The following TMPRSS11F variants were observed in gnomAD, a reference collection of about 807,000 sequenced individuals.
The protein encoded by TMPRSS11F is transmembrane serine protease 11F.
A neutral mutation model predicts 60.2 loss-of-function variants in TMPRSS11F; 47 were observed. The ratio of observed to expected loss-of-function variants is 0.78; its 90% CI spans 0.62 to 1.00. The LOEUF is 1.00. TMPRSS11F is among the 50% of genes least tolerant of loss of function. The pLI, the probability that TMPRSS11F is intolerant of heterozygous loss-of-function variation, is 0.00. For missense variants in TMPRSS11F, 519 were observed against 522.9 expected (o/e 0.99, Z 0.07); for synonymous variants, 166 against 167.3 (o/e 0.99, Z 0.06).
intron 3 of TMPRSS11F, among the ~76,000 whole-genome samples, chr4:68,079,543 C>T (rs1314248856): frequency 6.6e-6 from 1 of 152,178 alleles, no homozygotes; most frequent in East Asian, 1.9e-4. Context: ...TATTCCTCCT[C>T]AGATACCTAA....
Position 68,072,425 on chromosome 4 carries a change from T to G in TMPRSS11F, c.412A>C (p.Ser138Arg). 6.3e-7 allele frequency: 1 copy of G among 1,592,068 alleles called. No homozygotes were observed. The highest frequency in any genetic ancestry group is 8.6e-7 in the Non-Finnish European group (1 of 1,166,774). Residue 138 changes from serine (S) to arginine (R), a missense_variant, in exon 5 of 10, where the codon AGT becomes CGT. By Grantham distance (110) the Ser-to-Arg change is moderately radical (BLOSUM62 -1). Coordinates refer to ENST00000356291, the MANE Select transcript of TMPRSS11F (RefSeq NM_207407.2). ...ATTTTTTTCTTGATTTGTTCAGCAC[T>G]ATCAGTAGATGGGTATCGAAATATG... ...VLIFRYPSTD[S>R]AEQIKKKIEK...
At chr4:68,082,953 A>T (rs1723736529) in intron 3 of TMPRSS11F, among the ~76,000 whole-genome samples, 2 of 152,172 alleles carry the variant, frequency 1.3e-5, no homozygotes, top group African/African-American at 4.8e-5. Flanking sequence ...CTTGGGACAA[A>T]ACCAGCTGGT....
intron 4 of TMPRSS11F, 108 bp from the exon 5 acceptor site, chr4:68,072,594 A>G (rs1368966849): frequency 1.4e-6 from 1 of 736,250 alleles, no homozygotes; most frequent in East Asian, 3.2e-5. Context: ...ATACATGTGC[A>G]TACCAGATTT....
intron 1 of TMPRSS11F, among the ~76,000 whole-genome samples, chr4:68,114,266 T>C (rs1449212296): frequency 6.6e-6 from 1 of 151,592 alleles, no homozygotes; most frequent in Non-Finnish European, 1.5e-5. Context: ...AAGAAACTGA[T>C]GAAATTGAAA....
chr4:68,108,284 A>G (rs1358087639), intron 1 of TMPRSS11F, among the ~76,000 whole-genome samples: 1 of 152,184 alleles, frequency 6.6e-6, no homozygotes, highest in Non-Finnish European at 1.5e-5. Context: ...AAAAATGATA[A>G]TCCAGTGGAT....
chr4:68,058,330 C>T (rs1310419914), intron 9 of TMPRSS11F, among the ~76,000 whole-genome samples: 1 of 152,008 alleles, frequency 6.6e-6, no homozygotes, highest in African/African-American at 2.4e-5. Flanking sequence ...CATTGTACTC[C>T]ATAGATGTAA....
At chr4:68,096,697 A>C (rs1470908652) in intron 2 of TMPRSS11F, among the ~76,000 whole-genome samples, 1 of 152,224 alleles carries the variant, frequency 6.6e-6, no homozygotes, top group Non-Finnish European at 1.5e-5. Flanking sequence ...TAATGCACTG[A>C]AAGCCGATCA....
chr4:68,073,299 T>C lies in TMPRSS11F; in HGVS notation c.350+643A>G, dbSNP rs150608213. ...GAAAGCAGTTATAAAAGAGAATCAT[T>C]TGATAAACAGTTCAAATATATAAAT... On this transcript the variant is annotated intron_variant, in intron 4 of 9. Transcript: ENST00000356291. Among the ~76,000 whole-genome samples the C allele has an allele frequency of 3.2e-4, 49 of 152,302 alleles. 1 individual carries two copies. The East Asian group carries it at 9.1e-3, about 28-fold the overall frequency.
chr4:68,054,113 G>C (rs774506485), intron 9 of TMPRSS11F, 46 bp from the exon 10 acceptor site: 1 of 1,562,200 alleles, frequency 6.4e-7, no homozygotes, highest in Admixed American at 1.7e-5. Flanking sequence ...CTTTAATTCA[G>C]TGGGAAGGTA....
chr4:68,062,471 G>C, intron 8 of TMPRSS11F: 1 of 667,308 alleles, frequency 1.5e-6, no homozygotes, highest in Non-Finnish European at 2.9e-6. Context: ...TTCCAATGGC[G>C]ACTTGGTAGA....
At chr4:68,095,508 T>C (rs10031769) in intron 2 of TMPRSS11F, among the ~76,000 whole-genome samples, 9 of 151,874 alleles carry the variant, frequency 5.9e-5, no homozygotes, top group Middle Eastern at 3.2e-3. Flanking sequence ...TATAAAAAAC[T>C]ATGGCAACAC....
At chr4:68,090,483 AG>A in intron 3 of TMPRSS11F, 39 bp downstream of exon 3, 1 of 1,545,454 alleles carries the variant, frequency 6.5e-7, no homozygotes, top group Non-Finnish European at 8.7e-7. Context: ...GTGATGCAAA[AG>A]ACACATTAAT....
intron 9 of TMPRSS11F, among the ~76,000 whole-genome samples, chr4:68,058,422 T>G (rs536614645): frequency 5.3e-5 from 8 of 152,256 alleles, no homozygotes; most frequent in African/African-American, 1.9e-4. Context: ...AGGAAATGAT[T>G]AATGAACTGT....
In TMPRSS11F at chr4:68,127,724, C is replaced by G. The variant is rs1043626310; in HGVS notation, c.11+2086G>C. Among the ~76,000 whole-genome samples the G allele has an allele frequency of 3.3e-5, 5 of 151,944 alleles. 1 individual carries two copies. The highest frequency in any genetic ancestry group is 4.1e-4 in the South Asian group (2 of 4,824). ...GTACACATACTTGTATGTGTACTGT[C>G]TATATATGAATCTGAATCTGAATCA... is the stretch of plus-strand genomic sequence containing the variant. On this transcript the variant is annotated intron_variant, in intron 1 of 9. Transcript: ENST00000356291.
At chr4:68,076,469 G>C (rs1723585960) in intron 3 of TMPRSS11F, among the ~76,000 whole-genome samples, 1 of 152,138 alleles carries the variant, frequency 6.6e-6, no homozygotes, top group African/African-American at 2.4e-5. Flanking sequence ...GACAATATCA[G>C]GCAAAATCAC....
intron 8 of TMPRSS11F, chr4:68,063,087 A>G: frequency 1.5e-6 from 1 of 645,512 alleles, no homozygotes. Flanking sequence ...TTCTGAACCA[A>G]GATCTGGAAG....
intron 3 of TMPRSS11F, among the ~76,000 whole-genome samples, chr4:68,078,030 C>T (rs1409392805): frequency 1.3e-5 from 2 of 152,100 alleles, no homozygotes; most frequent in Non-Finnish European, 2.9e-5. Flanking sequence ...ACCTGCCCTG[C>T]CCTGCCCTGC....
chr4:68,062,864 T>TTTGC (rs752720940), intron 8 of TMPRSS11F: 3 of 778,140 alleles, frequency 3.9e-6, no homozygotes, highest in Non-Finnish European at 7.0e-6. Flanking sequence ...GGGTGGTCTG[T>TTTGC]TTGCTGCCCA....
chr4:68,080,781 G>A (rs529743448), intron 3 of TMPRSS11F: 1 of 151,942 alleles, frequency 6.6e-6, no homozygotes, highest in Non-Finnish European at 1.5e-5. Context: ...AGATCCCCCA[G>A]TCATAAGTTC....
Sources: allele counts gnomAD v4.1 joint callset (sites outside exome capture counted in the v4.1 genomes callset), GRCh38; gene constraint gnomAD v4.1.1; transcripts MANE v1.5; gene names NCBI Gene and HGNC (gene_info 2026-07-23, HGNC 2026-07-21).